The following GRTP1 variants were observed in gnomAD, a reference collection of about 807,000 sequenced individuals.
The protein encoded by GRTP1 is growth hormone-regulated TBC protein 1.
In GRTP1, 56 loss-of-function variants were observed where a neutral mutation model predicts 38.1. The ratio of observed to expected loss-of-function variants is 1.47; its 90% CI spans 1.19 to 1.84. The LOEUF is 1.84. GRTP1 is among the 40% of genes most tolerant of loss of function. The pLI, the probability that GRTP1 is intolerant of heterozygous loss-of-function variation, is 0.00. For synonymous variants in GRTP1, 217 were observed against 189.5 expected (o/e 1.14, Z -1.19); for missense variants, 506 against 453.9 (o/e 1.11, Z -1.04).
In GRTP1 at chr13:113,349,350, C is replaced by T. The variant is rs184794731; in HGVS notation, c.465+1499G>A. 2.0e-5 allele frequency among the ~76,000 whole-genome samples: 3 copies of T among 151,344 alleles called. No homozygotes were observed. The highest frequency in any genetic ancestry group is 6.6e-5 in the Admixed American group (1 of 15,204). ...ACCACAGGCGTGTGCCACCACACCC[C>T]GCTAATTTTTAAAAATATTTTGTAG... is the stretch of plus-strand genomic sequence containing the variant. On this transcript the variant is annotated intron_variant, in intron 4 of 7. Transcript: ENST00000375431. This position sits in a 1 kb window ranked among gnomAD's most constrained non-coding sequence, Gnocchi z 5.0.
At chr13:113,357,373 A>T (rs1305884109) in intron 2 of GRTP1, among the ~76,000 whole-genome samples, 1 of 146,768 alleles carries the variant, frequency 6.8e-6, no homozygotes, top group African/African-American at 2.5e-5. Context: ...TGAACCTGGC[A>T]GGCAGAGGTT....
rs764333701 is a variant in GRTP1 at position 113,326,048 on chromosome 13, C to T, written c.606G>A (p.Glu202=). The T allele has an allele frequency of 1.2e-6, 2 of 1,612,648 alleles. No individual in the cohort carries two copies. The highest frequency in any genetic ancestry group is 1.7e-6 in the Non-Finnish European group (2 of 1,179,958). Residue 202 remains glutamate, a synonymous_variant, in exon 6 of 8, where the codon GAG becomes GAA. Transcript: ENST00000375431. ...TCGCCCGCACCAGCTCCCCGAGGAC[C>T]TCCTGGTCGGTCTTCAGGCCCAGCA... ...PAMLGLKTDQ[E]VLGELVRAKL... is the part of the protein sequence containing the mutation.
At position 113,329,591 on chromosome 13, in the gene GRTP1, AAAAAAT is replaced by A. The variant is rs371218463; in HGVS notation, c.563-3506_563-3501del. On this transcript the variant is annotated intron_variant, in intron 5 of 7. Transcript: ENST00000375431. ...AGAGTGAAACTCCATCTCAAAAAAT[AAAAAAT>A]AAAAATAAAAATAAATTACTGCAAG... Among the ~76,000 whole-genome samples the A allele has an allele frequency of 1.9e-3, 287 of 152,290 alleles. 1 individual carries two copies. The highest frequency in any genetic ancestry group is 3.3e-3 in the Non-Finnish European group (222 of 68,028).
At chr13:113,347,258 GTGGCTGAGAGCA>G (rs2043163008) in intron 4 of GRTP1, among the ~76,000 whole-genome samples, 1 of 93,188 alleles carries the variant, frequency 1.1e-5, no homozygotes, top group African/African-American at 5.7e-5. Flanking sequence ...GAGGACCTCT[GTGGCTGAGAGCA>G]GACCCGGGAG....
intron 5 of GRTP1, among the ~76,000 whole-genome samples, chr13:113,337,066 G>C (rs1465303572): frequency 2.6e-5 from 4 of 152,316 alleles, no homozygotes; most frequent in African/African-American, 9.6e-5. Context: ...GGCTGAGGTG[G>C]GAGGATCATT....
chr13:113,341,868 G>C (rs1265226952), intron 5 of GRTP1, among the ~76,000 whole-genome samples: 1 of 152,140 alleles, frequency 6.6e-6, no homozygotes, highest in Admixed American at 6.5e-5. Context: ...GCCCAGGCTG[G>C]TCTCGAACTT....
chr13:113,344,454 C>T (rs1225768242), intron 5 of GRTP1, among the ~76,000 whole-genome samples: 1 of 152,210 alleles, frequency 6.6e-6, no homozygotes, highest in Non-Finnish European at 1.5e-5. Flanking sequence ...TGGCTCATGC[C>T]TGTAATCCCA....
intron 4 of GRTP1, among the ~76,000 whole-genome samples, chr13:113,346,236 GGGAGGACCTCTGTGGCCGAGAGCA>G (rs2043125806): frequency 9.0e-5 from 2 of 22,330 alleles, no homozygotes; most frequent in African/African-American, 2.7e-4. Context: ...GAACAGACCC[GGGAGGACCTCTGTGGCCGAGAGCA>G]GATCCGGGAG....
chr13:113,360,114 A>T (rs2043468628), intron 2 of GRTP1: 1 of 152,194 alleles, frequency 6.6e-6, no homozygotes, highest in African/African-American at 2.4e-5. Context: ...ATTCTAAGCC[A>T]CCAGGAAGGA....
At chr13:113,332,395 A>ACACACAGGTACACATGTGCACACGCACGC (rs2139413064) in intron 5 of GRTP1, among the ~76,000 whole-genome samples, 1 of 5,158 alleles carries the variant, frequency 1.9e-4, no homozygotes, top group African/African-American at 3.4e-4. Context: ...CACGCACGCC[A>ACACACAGGTACACATGTGCACACGCACGC]CACACAGGTA....
At chr13:113,334,320 G>GCCCACC (rs2042925810) in intron 5 of GRTP1, among the ~76,000 whole-genome samples, 1 of 88,782 alleles carries the variant, frequency 1.1e-5, no homozygotes. Context: ...ACAGCCTCCC[G>GCCCACC]CTGGCCTGTG....
In GRTP1 at chr13:113,356,514, C is replaced by T. The variant is rs183847606; in HGVS notation, c.182-1033G>A. ...AACTCTTGACCTCATGATCCGCCCACCTCGGCCTCCCAAAGTGCTGGGATT... is the reference window on the plus strand; with the variant it reads ...AACTCTTGACCTCATGATCCGCCCATCTCGGCCTCCCAAAGTGCTGGGATT... On this transcript the variant is annotated intron_variant, in intron 2 of 7. Transcript: ENST00000375431. 3.4e-3 allele frequency among the ~76,000 whole-genome samples: 514 copies of T among 152,320 alleles called. 5 individuals carry two copies. The highest frequency in any genetic ancestry group is 9.6e-3 in the African/African-American group (398 of 41,568).
chr13:113,357,493 T>A (rs1461986451), intron 2 of GRTP1, among the ~76,000 whole-genome samples: 2 of 151,446 alleles, frequency 1.3e-5, no homozygotes, highest in African/African-American at 2.4e-5. Flanking sequence ...CTTTCTGGTT[T>A]AGAAACATAT....
At chr13:113,335,847 T>C (rs1314624950) in intron 5 of GRTP1, among the ~76,000 whole-genome samples, 1 of 151,904 alleles carries the variant, frequency 6.6e-6, no homozygotes, top group Non-Finnish European at 1.5e-5. Context: ...GGCTGGAGCG[T>C]AGTGGTACAA....
rs9604074 is a variant in GRTP1, at chr13:113,342,185, C to T, written c.562+2678G>A. On this transcript the variant is annotated intron_variant, in intron 5 of 7. Coordinates refer to ENST00000375431, the MANE Select transcript of GRTP1 (RefSeq NM_024719.4). The surrounding 1 kb of genome is among the most constrained non-coding windows in gnomAD (Gnocchi z 4.5). ...CTTGAACTCCCCTAAATGCCTGCCT[C>T]GGTCTTGCAAAGTGCTAGGATTACA... Among the ~76,000 whole-genome samples the T allele has an allele frequency of 0.24, 35,777 of 152,104 alleles. 5,832 individuals carry two copies. Among genetic ancestry groups the T allele is most frequent in the African/African-American group, 0.46 (19,099 of 41,454 alleles).
intron 2 of GRTP1, among the ~76,000 whole-genome samples, chr13:113,361,402 T>C (rs1341599397): frequency 6.6e-6 from 1 of 152,022 alleles, no homozygotes; most frequent in Non-Finnish European, 1.5e-5. Flanking sequence ...AGTGGTTCCC[T>C]AAAAAGGAAA....
intron 5 of GRTP1, 28 bp from the exon 6 acceptor site, chr13:113,326,119 C>T (rs373298057): frequency 1.1e-5 from 17 of 1,600,210 alleles, no homozygotes; most frequent in African/African-American, 8.0e-5. Flanking sequence ...GAAAAGACCC[C>T]GAGACACTCC....
chr13:113,337,484 G>A (rs968404178), intron 5 of GRTP1, among the ~76,000 whole-genome samples: 5 of 152,128 alleles, frequency 3.3e-5, no homozygotes, highest in African/African-American at 9.7e-5. Flanking sequence ...ATGGAAAAGC[G>A]GCAATGACTT....
intron 3 of GRTP1, 116 bp downstream of exon 3, chr13:113,355,207 A>T: frequency 2.0e-6 from 2 of 995,624 alleles, no homozygotes. Flanking sequence ...CGTAACTTCA[A>T]GTTAAAAGCA....
Sources: allele counts gnomAD v4.1 joint callset (sites outside exome capture counted in the v4.1 genomes callset), GRCh38; gene constraint gnomAD v4.1.1; non-coding constraint Gnocchi (gnomAD v3.1); transcripts MANE v1.5; gene names NCBI Gene and HGNC (gene_info 2026-07-23, HGNC 2026-07-21).